Variants in HIVEP2 observed in about 807,000 individuals in gnomAD.
HIVEP2 encodes HIVEP zinc finger 2.
In HIVEP2, 14 loss-of-function variants were observed where a neutral mutation model predicts 180.7. The ratio of observed to expected loss-of-function variants is 0.08; its 90% CI spans 0.05 to 0.12. The LOEUF is 0.12. HIVEP2 is among the 10% of genes least tolerant of loss of function. HIVEP2 has a pLI of 1.00. For missense variants in HIVEP2, 2,579 were observed against 3,008.5 expected, an observed-to-expected ratio of 0.86 and a Z score of 3.34; for synonymous variants, 1,184 against 1,136.4, an observed-to-expected ratio of 1.04 and a Z score of -0.84.
chr6:142,840,294 ATTT>A (rs111337585), intron 1 of HIVEP2, among the ~76,000 whole-genome samples: 2 of 34,422 alleles, frequency 5.8e-5, no homozygotes, highest in Middle Eastern at 0.011. Context: ...ATCCTTATTT[ATTT>A]TTTTTTTTTT....
intron 6 of HIVEP2, 22 bp downstream of exon 6, chr6:142,768,360 C>T (rs1425795574): frequency 6.2e-7 from 1 of 1,604,646 alleles, no homozygotes; most frequent in Non-Finnish European, 8.5e-7. Context: ...GCACATTTTA[C>T]ATTTGCACTT....
chr6:142,770,713 T>C lies in HIVEP2; in HGVS notation c.4026A>G (p.Val1342=). The change falls in exon 5 of 10, where the codon GTA becomes GTG. Residue 1342 remains valine (V), a synonymous_variant. Transcript: ENST00000367603. This position sits in a 1 kb window ranked among gnomAD's most constrained non-coding sequence, Gnocchi z 4.7. The part of the protein sequence containing the change: ...TVVPVRIQTH[V]PSYGSVMYTS... ...TGTACATGACACTTCCATAGGATGGTACGTGCGTCTGGATCCGAACAGGAA... is the reference window on the plus strand; with the variant it reads ...TGTACATGACACTTCCATAGGATGGCACGTGCGTCTGGATCCGAACAGGAA... 6.2e-7 allele frequency: 1 copy of C among 1,614,214 alleles called. No individual in the cohort carries two copies. Among genetic ancestry groups the C allele is most frequent in the Non-Finnish European group, 8.5e-7 (1 of 1,180,046 alleles).
chr6:142,938,788 C>A (rs1032023522), intron 1 of HIVEP2, among the ~76,000 whole-genome samples: 2 of 152,184 alleles, frequency 1.3e-5, no homozygotes, highest in Non-Finnish European at 2.9e-5. Flanking sequence ...CTTCGATGAT[C>A]TGCTTTTTTT....
intron 1 of HIVEP2, among the ~76,000 whole-genome samples, chr6:142,866,124 G>A (rs1335491620): frequency 6.6e-6 from 1 of 152,144 alleles, no homozygotes; most frequent in African/African-American, 2.4e-5. Context: ...GCTGCAACTG[G>A]TGAAGAGGCA....
At chr6:142,892,137 T>C (rs1449335355) in intron 1 of HIVEP2, among the ~76,000 whole-genome samples, 1 of 152,184 alleles carries the variant, frequency 6.6e-6, no homozygotes, top group Non-Finnish European at 1.5e-5. Context: ...TGGGTTTTGA[T>C]ATCTTTTACA....
At chr6:142,920,217 G>C (rs1013985749) in intron 1 of HIVEP2, among the ~76,000 whole-genome samples, 15 of 152,212 alleles carry the variant, frequency 9.9e-5, no homozygotes, top group African/African-American at 3.4e-4. Flanking sequence ...TAGCTAAAAA[G>C]AAAGTCACAA....
intron 1 of HIVEP2, among the ~76,000 whole-genome samples, chr6:142,902,720 C>A (rs1164179391): frequency 6.6e-6 from 1 of 152,134 alleles, no homozygotes; most frequent in African/African-American, 2.4e-5. Context: ...GTTCTGGCAG[C>A]TATTTAAATA....
chr6:142,857,823 T>TCTTTCC (rs1775863236), intron 1 of HIVEP2, among the ~76,000 whole-genome samples: 1 of 152,214 alleles, frequency 6.6e-6, no homozygotes, highest in African/African-American at 2.4e-5. Context: ...TCCCCTTTGT[T>TCTTTCC]AAGACTTGTG....
intron 2 of HIVEP2, among the ~76,000 whole-genome samples, chr6:142,811,829 A>G (rs1776707326): frequency 6.6e-6 from 1 of 152,238 alleles, no homozygotes; most frequent in Non-Finnish European, 1.5e-5. Context: ...ATAAATCCAA[A>G]AGAGGTTCTG....
At chr6:142,779,273 T>C (rs751977238) in intron 3 of HIVEP2, among the ~76,000 whole-genome samples, 10 of 152,250 alleles carry the variant, frequency 6.6e-5, no homozygotes, top group Non-Finnish European at 1.3e-4. Context: ...AAATCAGGTA[T>C]GTATCATTTT....
rs762651875 is a variant in HIVEP2, at chr6:142,771,371, G to A, written c.3368C>T (p.Pro1123Leu). 8 of 1,612,814 alleles carry A rather than the reference G, an allele frequency of 5.0e-6. No individual in the cohort carries two copies. Among genetic ancestry groups the A allele is most frequent in the Admixed American group, 3.3e-5 (2 of 60,026 alleles). Reference sequence around the variant, plus strand: ...CTGAAGAGGAGGCAGCACAGCAGGCGGGCCATGGTGCCACCCGGACCGGAG... The same window carrying A: ...CTGAAGAGGAGGCAGCACAGCAGGCAGGCCATGGTGCCACCCGGACCGGAG... The part of the protein sequence containing the change: ...AGLRSGWHHG[P>L]PAVLPPLQQE... Residue 1123 changes from proline to leucine, a missense_variant, in exon 5 of 10, where the codon CCG (proline) becomes CTG (leucine). By Grantham distance (98) the Pro-to-Leu change is moderately conservative. Coordinates refer to ENST00000367603, the MANE Select transcript of HIVEP2 (RefSeq NM_006734.4). The surrounding 1 kb of genome is among the most constrained non-coding windows in gnomAD (Gnocchi z 5.4).
At chr6:142,890,276 C>G (rs2128420664) in intron 1 of HIVEP2, among the ~76,000 whole-genome samples, 1 of 152,288 alleles carries the variant, frequency 6.6e-6, no homozygotes, top group Non-Finnish European at 1.5e-5. Context: ...GATCAGATAA[C>G]AGAGTTCCAT....
Position 142,761,496 on chromosome 6 carries a change from G to A in HIVEP2, c.5588C>T (p.Thr1863Ile), listed in dbSNP as rs745522175. The change falls in exon 8 of 10, where the codon ACA becomes ATA. Residue 1863 changes from threonine (T) to isoleucine (I), a missense_variant. Thr to Ile is a moderately conservative substitution (Grantham distance 89). Around this residue, in one of 11 missense-constraint regions of HIVEP2, gnomAD observed 660 missense variants for 731.7 expected, o/e 0.90. Coordinates refer to ENST00000367603, the MANE Select transcript of HIVEP2 (RefSeq NM_006734.4). ...KKCLELGVSM[T>I]SVDDTETEEA... ...CTCAGTTTCTGTATCATCCACCGAT[G>A]TCATTGAGACTCCCAATTCCAGGCA... 1 of 1,605,272 alleles carries A rather than the reference G, an allele frequency of 6.2e-7. No individual in the cohort carries two copies. The highest frequency in any genetic ancestry group is 8.5e-7 in the Non-Finnish European group (1 of 1,172,188).
Position 142,770,845 on chromosome 6 carries a change from T to C in HIVEP2, c.3894A>G (p.Pro1298=), listed in dbSNP as rs1267654842. 3 of 1,614,120 alleles carry C rather than the reference T, an allele frequency of 1.9e-6. No homozygotes were observed. Among genetic ancestry groups the C allele is most frequent in the African/African-American group, 1.3e-5 (1 of 74,950 alleles). The part of the protein sequence containing the change: ...LHPKNLLPKF[P]SDQSSKSTET... ...CAGTTGACTTACTGCTCTGGTCTGATGGAAACTTTGGAAGAAGGTTCTTTG... is the reference window on the plus strand; with the variant it reads ...CAGTTGACTTACTGCTCTGGTCTGACGGAAACTTTGGAAGAAGGTTCTTTG... Residue 1298 remains proline (P), a synonymous_variant, in exon 5 of 10, where the codon CCA becomes CCG. Transcript: ENST00000367603. The surrounding 1 kb of genome is among the most constrained non-coding windows in gnomAD (Gnocchi z 4.7).
chr6:142,881,106 T>C (rs1470523311), intron 1 of HIVEP2, among the ~76,000 whole-genome samples: 1 of 152,248 alleles, frequency 6.6e-6, no homozygotes, highest in East Asian at 1.9e-4. Context: ...CTGAACCTTC[T>C]TAAGCTTGTT....
chr6:142,875,965 G>A (rs1403970963), intron 1 of HIVEP2, among the ~76,000 whole-genome samples: 1 of 152,132 alleles, frequency 6.6e-6, no homozygotes, highest in Non-Finnish European at 1.5e-5. Flanking sequence ...ATATCTGCTA[G>A]AAAGAGAATT....
intron 7 of HIVEP2, among the ~76,000 whole-genome samples, chr6:142,762,765 T>C (rs1008855924): frequency 1.3e-5 from 2 of 152,222 alleles, no homozygotes; most frequent in Non-Finnish European, 2.9e-5. Flanking sequence ...TGGGACACTG[T>C]TGTTTATTAT....
intron 2 of HIVEP2, among the ~76,000 whole-genome samples, chr6:142,810,451 T>C (rs1410166997): frequency 6.6e-6 from 1 of 152,072 alleles, no homozygotes; most frequent in Non-Finnish European, 1.5e-5. Context: ...ATAGATGTCT[T>C]GAGTTTATAG....
intron 2 of HIVEP2, among the ~76,000 whole-genome samples, chr6:142,820,898 CAG>C (rs1193166290): frequency 6.6e-6 from 1 of 152,124 alleles, no homozygotes; most frequent in Non-Finnish European, 1.5e-5. Context: ...CTCAGATTTG[CAG>C]ACTTTTAACT....
Sources: gnomAD v4.1 joint callset for allele counts (sites outside exome capture counted in the v4.1 genomes callset) on GRCh38, gnomAD v4.1.1 for gene constraint, gnomAD v4.1.1 regional missense constraint, Gnocchi (gnomAD v3.1) non-coding constraint, MANE v1.5 for transcripts, NCBI Gene and HGNC (gene_info 2026-07-23, HGNC 2026-07-21) for gene names.